GALNT5: variants seen among roughly 807,000 people sequenced by gnomAD.
The protein encoded by GALNT5 is polypeptide N-acetylgalactosaminyltransferase 5.
Under a neutral mutation model 85.4 loss-of-function variants are expected in GALNT5, and 72 were observed. The ratio of observed to expected loss-of-function variants is 0.84; its 90% confidence interval spans 0.70 to 1.03. The LOEUF is 1.03. GALNT5 is among the 50% of genes least tolerant of loss of function. GALNT5 has a pLI of 0.00. For synonymous variants in GALNT5, 404 were observed against 397.0 expected (o/e 1.02, Z -0.21); for missense variants, 1,137 against 1,135.5 (o/e 1.00, Z -0.02).
rs372387793 is a variant in GALNT5, at chr2:157,258,768, A to G, written c.686A>G (p.Gln229Arg). 1.9e-6 allele frequency: 3 copies of G among 1,611,174 alleles called. No individual in the cohort carries two copies. Among genetic ancestry groups the G allele is most frequent in the Admixed American group, 1.7e-5 (1 of 59,874 alleles). ...TISLSTDRPK[Q>R]RSQAVANERA... ...AGTCTTAGTACTGATAGACCAAAGCAGCGATCACAGGCAGTAGCAAACGAG... is the reference window on the plus strand; with the variant it reads ...AGTCTTAGTACTGATAGACCAAAGCGGCGATCACAGGCAGTAGCAAACGAG... Residue 229 changes from glutamine to arginine, a missense_variant, in exon 1 of 10, where the codon CAG becomes CGG. Physicochemically the swap from Gln to Arg is conservative, Grantham distance 43. Transcript: ENST00000259056.
rs1186709092 is a variant in GALNT5 at position 157,316,857 on chromosome 2, T to C, written c.*5509T>C. 2.0e-5 allele frequency among the ~76,000 whole-genome samples: 3 copies of C among 152,258 alleles called. No homozygotes were observed. The East Asian group carries it at 5.8e-4, about 29-fold the overall frequency. ...ATTAGAGTCGCTTTGCAAGTTTATG[T>C]GAATCTTTGCTTTGTAAAAACACAT... On this transcript the variant is annotated 3_prime_UTR_variant, in exon 10 of 10. Transcript: ENST00000259056.
rs1682289581 is a variant in GALNT5 at position 157,259,473 on chromosome 2, T to C, written c.1391T>C (p.Phe464Ser). 2.1e-6 allele frequency: 3 copies of C among 1,459,688 alleles called. No homozygotes were observed. Among genetic ancestry groups the C allele is most frequent in the South Asian group, 1.7e-5 (1 of 58,742 alleles). 90.4% of individuals were successfully genotyped at this position (1,459,688 alleles called of 1,614,324 possible). The change falls in exon 1 of 10, where the codon TTC becomes TCC. Residue 464 changes from phenylalanine (F) to serine (S), a missense_variant. Phe to Ser is a radical substitution (Grantham distance 155, BLOSUM62 -2). Coordinates refer to ENST00000259056, the MANE Select transcript of GALNT5 (RefSeq NM_014568.3). ...EAERRWKEGNFNVYLSDLIPV... is the reference protein window; with the variant it reads ...EAERRWKEGNSNVYLSDLIPV... ...GAAAGAAGATGGAAAGAAGGAAACT[T>C]CAATGTCTACCTTAGCGATTTGATC...
intron 1 of GALNT5, among the ~76,000 whole-genome samples, chr2:157,264,458 G>C (rs993326579): frequency 6.6e-6 from 1 of 151,976 alleles, no homozygotes; most frequent in Non-Finnish European, 1.5e-5. Context: ...TTACTCAACT[G>C]CTTAATTTAA....
At chr2:157,275,088 C>T (rs1682689151) in intron 1 of GALNT5, among the ~76,000 whole-genome samples, 2 of 151,992 alleles carry the variant, frequency 1.3e-5, no homozygotes, top group Admixed American at 1.3e-4. Flanking sequence ...TAAATAGGGT[C>T]CTTTCTCCAT....
chr2:157,298,977 G>C (rs1683278925), intron 5 of GALNT5: 1 of 152,536 alleles, frequency 6.6e-6, no homozygotes, highest in Non-Finnish European at 1.5e-5. Flanking sequence ...CAGAAGACCG[G>C]AAGACCGGCC....
At chr2:157,286,171 T>A in intron 3 of GALNT5, 37 bp downstream of exon 3, 1 of 1,556,194 alleles carries the variant, frequency 6.4e-7, no homozygotes, top group Non-Finnish European at 8.8e-7. Flanking sequence ...GTTACATTTT[T>A]ATTTTAATTT....
At chr2:157,302,124 T>C (rs1683356278) in intron 7 of GALNT5, 1 of 152,234 alleles carries the variant, frequency 6.6e-6, no homozygotes, top group Non-Finnish European at 1.5e-5. Context: ...TTGTTTTATT[T>C]CAGCTTCCTT....
Position 157,314,778 on chromosome 2 carries a change from T to C in GALNT5, c.*3430T>C, listed in dbSNP as rs1354136827. The stretch of plus-strand genomic sequence containing the variant: ...TCTGATTGAATTCCTATATTCAGAA[T>C]ACAAGAAAAAAAATTTACCAACCAG... On this transcript the variant is annotated 3_prime_UTR_variant, in exon 10 of 10. Transcript: ENST00000259056. 6.6e-6 allele frequency among the ~76,000 whole-genome samples: 1 copy of C among 152,016 alleles called. No individual in the cohort carries two copies. The highest frequency in any genetic ancestry group is 1.5e-5 in the Non-Finnish European group (1 of 67,998).
At chr2:157,285,937 G>A (rs878869999) in intron 2 of GALNT5, 78 bp from the exon 3 acceptor site, 87 of 997,894 alleles carry the variant, frequency 8.7e-5, no homozygotes, top group South Asian at 8.3e-4. Context: ...TTTGGCATTT[G>A]ACTTTGGGGA....
intron 3 of GALNT5, among the ~76,000 whole-genome samples, chr2:157,294,876 GGAGAGA>G (rs139183450): frequency 2.1e-4 from 31 of 149,352 alleles, no homozygotes; most frequent in African/African-American, 6.9e-4. Flanking sequence ...AGGTTTCAAT[GGAGAGA>G]GAGAGAGAGA....
intron 1 of GALNT5, among the ~76,000 whole-genome samples, chr2:157,266,694 T>C (rs1248752101): frequency 6.6e-6 from 1 of 152,230 alleles, no homozygotes; most frequent in Non-Finnish European, 1.5e-5. Context: ...AAATGATTTA[T>C]CCATTGTCCC....
At chr2:157,287,537 TA>T (rs961127907) in intron 3 of GALNT5, among the ~76,000 whole-genome samples, 1 of 152,186 alleles carries the variant, frequency 6.6e-6, no homozygotes, top group Non-Finnish European at 1.5e-5. Context: ...ATTTGACCAC[TA>T]GGAGCTTCTT....
chr2:157,302,345 A>T (rs892623266), intron 7 of GALNT5: 1 of 152,226 alleles, frequency 6.6e-6, no homozygotes, highest in African/African-American at 2.4e-5. Context: ...TCTTAAAAAA[A>T]TGGTTCTGTT....
Position 157,318,382 on chromosome 2 carries a change from T to TA in GALNT5, c.*7039dup, listed in dbSNP as rs1344112486. ...ATGATCTCAGTTCCTTAAAAAATGA[T>TA]AAAAATTTTTCATGTATATTACATA... On this transcript the variant is annotated 3_prime_UTR_variant, in exon 10 of 10. Transcript: ENST00000259056. Among the ~76,000 whole-genome samples, 1 of 152,170 alleles carries TA rather than the reference T, an allele frequency of 6.6e-6. No homozygotes were observed. Among genetic ancestry groups the TA allele is most frequent in the African/African-American group, 2.4e-5 (1 of 41,436 alleles).
intron 1 of GALNT5, among the ~76,000 whole-genome samples, chr2:157,265,597 G>T (rs1002199522): frequency 6.6e-6 from 1 of 152,140 alleles, no homozygotes; most frequent in Admixed American, 6.5e-5. Context: ...CGGAACACAA[G>T]GCCCAGTTTA....
intron 5 of GALNT5, 92 bp downstream of exon 5, chr2:157,296,605 C>G: frequency 1.1e-6 from 1 of 902,214 alleles, no homozygotes; most frequent in Non-Finnish European, 1.7e-6. Context: ...TCTTGTTATT[C>G]TATAGAACAT....
intron 1 of GALNT5, among the ~76,000 whole-genome samples, chr2:157,263,122 C>A (rs532504949): frequency 6.6e-6 from 1 of 151,650 alleles, no homozygotes; most frequent in South Asian, 2.1e-4. Flanking sequence ...CCACCGCATC[C>A]GGCCCACACC....
chr2:157,277,531 T>G (rs954762982), intron 1 of GALNT5, among the ~76,000 whole-genome samples: 1 of 152,248 alleles, frequency 6.6e-6, no homozygotes, highest in Non-Finnish European at 1.5e-5. Context: ...ATATTTAGGA[T>G]AGTTAGCTCT....
At chr2:157,306,328 C>T (rs1053417312) in intron 8 of GALNT5, among the ~76,000 whole-genome samples, 1 of 152,166 alleles carries the variant, frequency 6.6e-6, no homozygotes, top group Non-Finnish European at 1.5e-5. Flanking sequence ...TGTCTGATTC[C>T]ATTCTTCTTT....
Sources: gnomAD v4.1 joint callset for allele counts (sites outside exome capture counted in the v4.1 genomes callset) on GRCh38, gnomAD v4.1.1 for gene constraint, MANE v1.5 for transcripts, NCBI Gene and HGNC (gene_info 2026-07-23, HGNC 2026-07-21) for gene names.